Variants in WDR7 observed in about 807,000 individuals in gnomAD.
WDR7 encodes the protein WD repeat-containing protein 7.
Under a neutral mutation model 169.4 loss-of-function variants are expected in WDR7, and 46 were observed. The observed-to-expected ratio is 0.27, with a 90% confidence interval of 0.21 to 0.35. The LOEUF is 0.35. Among genes scored for constraint, WDR7 ranks in the 10% least tolerant of loss-of-function variants. The pLI, the probability that WDR7 is intolerant of heterozygous loss-of-function variation, is 1.00. For synonymous variants in WDR7, 612 were observed against 666.8 expected (o/e 0.92, Z 1.27); for missense variants, 1,534 against 1,859.3 (o/e 0.83, Z 3.22).
intron 19 of WDR7, among the ~76,000 whole-genome samples, chr18:56,791,994 T>C (rs906513235): frequency 6.6e-6 from 1 of 151,578 alleles, no homozygotes; most frequent in Non-Finnish European, 1.5e-5. Context: ...AAAATACAAT[T>C]TTTTTTTTCC....
chr18:56,704,468 G>A (rs1387111464), intron 12 of WDR7, among the ~76,000 whole-genome samples: 1 of 152,090 alleles, frequency 6.6e-6, no homozygotes, highest in African/African-American at 2.4e-5. Context: ...GAGCCCTGGA[G>A]TTCAAGGCTG....
At chr18:56,910,397 C>T (rs934282188) in intron 21 of WDR7, among the ~76,000 whole-genome samples, 5 of 152,166 alleles carry the variant, frequency 3.3e-5, no homozygotes, top group African/African-American at 4.8e-5. Context: ...GAAGATTATG[C>T]AGACTCAAAT....
intron 1 of WDR7, among the ~76,000 whole-genome samples, chr18:56,662,606 C>T (rs142334649): frequency 2.0e-5 from 3 of 152,208 alleles, no homozygotes; most frequent in Non-Finnish European, 4.4e-5. Context: ...CAACATCTAT[C>T]GAGTATTCTT....
chr18:56,851,611 G>A (rs2045641755), intron 20 of WDR7, among the ~76,000 whole-genome samples: 1 of 152,146 alleles, frequency 6.6e-6, no homozygotes, highest in Non-Finnish European at 1.5e-5. Flanking sequence ...TTTGTTGCCT[G>A]ATTTAACATT....
chr18:56,862,124 A>AT (rs2045813569), intron 20 of WDR7, among the ~76,000 whole-genome samples: 1 of 152,006 alleles, frequency 6.6e-6, no homozygotes, highest in Non-Finnish European at 1.5e-5. Context: ...AACGAAGAAA[A>AT]ATTCAGAAAC....
At chr18:56,908,955 ATC>A (rs1195783128) in intron 21 of WDR7, among the ~76,000 whole-genome samples, 4 of 152,222 alleles carry the variant, frequency 2.6e-5, no homozygotes, top group Non-Finnish European at 5.9e-5. Flanking sequence ...CCAGATAAAT[ATC>A]TGTGATTGAA....
At chr18:56,766,351 C>T (rs777348079) in intron 16 of WDR7, among the ~76,000 whole-genome samples, 7 of 152,098 alleles carry the variant, frequency 4.6e-5, no homozygotes, top group Non-Finnish European at 1.0e-4. Context: ...TTTCCTCCCT[C>T]CTCTCTCTAA....
intron 14 of WDR7, among the ~76,000 whole-genome samples, chr18:56,747,094 A>G (rs559291932): frequency 6.6e-6 from 1 of 152,296 alleles, no homozygotes; most frequent in South Asian, 2.1e-4. Flanking sequence ...ACTAATGTGG[A>G]GTGGATTCAG....
intron 22 of WDR7, among the ~76,000 whole-genome samples, chr18:56,931,371 A>G (rs1480242837): frequency 1.3e-5 from 2 of 152,244 alleles, no homozygotes; most frequent in Non-Finnish European, 2.9e-5. Flanking sequence ...CTTTAAAGAT[A>G]ACCAAATGCA....
chr18:56,896,724 A>T (rs765521172), intron 21 of WDR7, among the ~76,000 whole-genome samples: 1 of 151,902 alleles, frequency 6.6e-6, no homozygotes, highest in Non-Finnish European at 1.5e-5. Context: ...CCTTTCAAAA[A>T]TTTTGAAAGA....
At chr18:56,780,672 C>G (rs150774628) in intron 18 of WDR7, among the ~76,000 whole-genome samples, 1 of 152,036 alleles carries the variant, frequency 6.6e-6, no homozygotes, top group Non-Finnish European at 1.5e-5. Flanking sequence ...TGGTGGCATA[C>G]GCCTGTAGTC....
intron 20 of WDR7, among the ~76,000 whole-genome samples, chr18:56,832,771 A>G (rs557354888): frequency 3.3e-4 from 50 of 152,152 alleles, no homozygotes; most frequent in Non-Finnish European, 6.3e-4. Flanking sequence ...AAAACTAACA[A>G]ACAGAAAGGA....
chr18:56,892,378 A>G (rs2046275676), intron 21 of WDR7, among the ~76,000 whole-genome samples: 2 of 152,088 alleles, frequency 1.3e-5, no homozygotes, highest in African/African-American at 2.4e-5. Context: ...GAGCATCTTT[A>G]AAGTATTTTT....
chr18:56,693,679 C>G (rs549471746), intron 9 of WDR7, among the ~76,000 whole-genome samples: 2 of 138,602 alleles, frequency 1.4e-5, no homozygotes, highest in Non-Finnish European at 3.0e-5. Context: ...TCAAGCGATT[C>G]TCCTGCCTCA....
At chr18:56,957,395 A>G (rs887564430) in intron 25 of WDR7, 1 of 151,900 alleles carries the variant, frequency 6.6e-6, no homozygotes, top group African/African-American at 2.4e-5. Context: ...CTTCCCTTCA[A>G]CTGCGCTTTG....
intron 26 of WDR7, among the ~76,000 whole-genome samples, chr18:56,969,643 A>G (rs917070795): frequency 6.6e-6 from 1 of 152,256 alleles, no homozygotes; most frequent in Admixed American, 6.5e-5. Flanking sequence ...GACAGTCCAC[A>G]TTAAAATAAT....
intron 16 of WDR7, among the ~76,000 whole-genome samples, chr18:56,764,987 T>G (rs570718503): frequency 2.0e-5 from 3 of 152,314 alleles, no homozygotes; most frequent in African/African-American, 7.2e-5. Context: ...CCCTCGTCAT[T>G]ATGAAATGAC....
intron 26 of WDR7, among the ~76,000 whole-genome samples, chr18:57,012,293 C>G (rs115458429): frequency 0.015 from 2,290 of 152,270 alleles, 73 homozygotes; most frequent in African/African-American, 0.052. Context: ...ATGTCCCAGG[C>G]AGTGCTGTCA....
rs577983050 is a variant in WDR7 at position 56,718,170 on chromosome 18, G to A, written c.1774+11G>A. On this transcript the variant is annotated intron_variant, in intron 13 of 27. Transcript: ENST00000254442. Reference sequence around the variant, plus strand: ...GGCAAATGGATACTGGTAAGAACAAGTATGAAGAGATACTATAGAAAATTA... The same window carrying A: ...GGCAAATGGATACTGGTAAGAACAAATATGAAGAGATACTATAGAAAATTA... 298 of 1,540,950 alleles carry A rather than the reference G, an allele frequency of 1.9e-4. 6 individuals carry two copies. In the South Asian group the frequency reaches 3.6e-3, roughly 18 times the overall value.
Sources: gnomAD v4.1 joint callset for allele counts (sites outside exome capture counted in the v4.1 genomes callset) on GRCh38, gnomAD v4.1.1 for gene constraint, MANE v1.5 for transcripts, NCBI Gene and HGNC (gene_info 2026-07-23, HGNC 2026-07-21) for gene names.